Variants in ACMSD observed in about 807,000 individuals in gnomAD.
ACMSD encodes aminocarboxymuconate semialdehyde decarboxylase.
Under a neutral mutation model 45.9 loss-of-function variants are expected in ACMSD, and 37 were observed. That is an observed-to-expected ratio of 0.81 (90% CI 0.62 to 1.06). ACMSD has a LOEUF of 1.06. Ranked by LOEUF, ACMSD falls within the 50% of genes least tolerant of loss-of-function variation. ACMSD has a pLI of 0.00. For missense variants in ACMSD, 434 were observed against 420.9 expected, an observed-to-expected ratio of 1.03 and a Z score of -0.27; for synonymous variants, 138 against 148.8, an observed-to-expected ratio of 0.93 and a Z score of 0.53.
chr2:134,872,318 C>T, intron 7 of ACMSD, 151 bp from the exon 8 acceptor site: 1 of 814,158 alleles, frequency 1.2e-6, no homozygotes, highest in Non-Finnish European at 1.9e-6. Flanking sequence ...AATGCCATTT[C>T]TTCCATCATC....
At chr2:134,898,868 AT>A (rs1206278205) in intron 9 of ACMSD, among the ~76,000 whole-genome samples, 5 of 151,878 alleles carry the variant, frequency 3.3e-5, no homozygotes, top group Admixed American at 1.3e-4. Flanking sequence ...ACTAGACTTT[AT>A]TTTTTTTCCC....
intron 2 of ACMSD, among the ~76,000 whole-genome samples, chr2:134,852,773 C>A (rs1418634942): frequency 6.6e-6 from 1 of 152,138 alleles, no homozygotes; most frequent in Non-Finnish European, 1.5e-5. Flanking sequence ...TCGAGCCCAA[C>A]CAGCATGGCA....
intron 8 of ACMSD, among the ~76,000 whole-genome samples, chr2:134,892,794 G>A (rs1689873684): frequency 6.6e-6 from 1 of 152,162 alleles, no homozygotes; most frequent in African/African-American, 2.4e-5. Context: ...GCAAAAGCAA[G>A]AATGAGAGTG....
chr2:134,863,726 C>A, intron 5 of ACMSD, 95 bp downstream of exon 5: 2 of 1,282,884 alleles, frequency 1.6e-6, no homozygotes, highest in Admixed American at 1.9e-5. Flanking sequence ...AGCGTCACCC[C>A]ACTGGGAGGG....
chr2:134,896,341 G>A (rs1573731145), intron 8 of ACMSD, among the ~76,000 whole-genome samples: 1 of 152,076 alleles, frequency 6.6e-6, no homozygotes, highest in East Asian at 1.9e-4. Context: ...TGCTTCAAAA[G>A]ACAATACCAA....
chr2:134,872,437 A>G, intron 7 of ACMSD, 32 bp from the exon 8 acceptor site: 2 of 1,613,552 alleles, frequency 1.2e-6, no homozygotes, highest in Non-Finnish European at 1.7e-6. Flanking sequence ...TACAATCAAC[A>G]CTAGCCCCTC....
intron 6 of ACMSD, among the ~76,000 whole-genome samples, chr2:134,870,738 G>A (rs1266193902): frequency 2.0e-5 from 3 of 152,136 alleles, no homozygotes; most frequent in East Asian, 3.8e-4. Context: ...AAGTCCTCTG[G>A]CTCCTCAATC....
At chr2:134,900,065 T>C (rs537886679) in intron 9 of ACMSD, among the ~76,000 whole-genome samples, 47 of 152,154 alleles carry the variant, frequency 3.1e-4, no homozygotes, top group Middle Eastern at 3.4e-3. Context: ...TTTTGAACCA[T>C]GCGAAGGTAA....
At chr2:134,879,346 A>T (rs1688913483) in intron 8 of ACMSD, among the ~76,000 whole-genome samples, 2 of 152,174 alleles carry the variant, frequency 1.3e-5, no homozygotes, top group African/African-American at 2.4e-5. Context: ...GCTTCTAATA[A>T]GAGTCTTTAC....
At chr2:134,841,685 A>C (rs1051293548) in intron 1 of ACMSD, among the ~76,000 whole-genome samples, 2 of 152,218 alleles carry the variant, frequency 1.3e-5, no homozygotes, top group African/African-American at 4.8e-5. Flanking sequence ...AGCAACAATG[A>C]GGATGATACA....
intron 5 of ACMSD, among the ~76,000 whole-genome samples, chr2:134,863,948 G>A (rs541521053): frequency 6.6e-6 from 1 of 152,046 alleles, no homozygotes; most frequent in Admixed American, 6.6e-5. Context: ...CTGTGCAAAA[G>A]AATCGTGTTA....
Position 134,863,520 on chromosome 2 carries a change from G to T in ACMSD, c.375G>T (p.Ala125=). ...TGCCCATGCAGGCCCCTGAGCTGGC[G>T]GTCAAGGAGATGGAGCGCTGTGTGA... ...GTLPMQAPEL[A]VKEMERCVKE... The change falls in exon 5 of 10, where the codon GCG becomes GCT. Residue 125 remains alanine, a synonymous_variant. Coordinates refer to ENST00000356140, the MANE Select transcript of ACMSD (RefSeq NM_138326.3). 6.2e-7 allele frequency: 1 copy of T among 1,614,224 alleles called. No individual in the cohort carries two copies. The highest frequency in any genetic ancestry group is 1.1e-5 in the South Asian group (1 of 91,082).
intron 8 of ACMSD, among the ~76,000 whole-genome samples, chr2:134,896,872 C>T (rs1042428872): frequency 6.6e-6 from 1 of 152,078 alleles, no homozygotes; most frequent in African/African-American, 2.4e-5. Context: ...TTATGTGATT[C>T]CATTTATGTG....
chr2:134,877,247 G>T (rs1197544886), intron 8 of ACMSD, among the ~76,000 whole-genome samples: 3 of 151,864 alleles, frequency 2.0e-5, no homozygotes, highest in Non-Finnish European at 2.9e-5. Context: ...TAATTTTATG[G>T]GACCACCATC....
Position 134,838,686 on chromosome 2 carries a change from A to C in ACMSD, c.4A>C (p.Lys2Gln). The change falls in exon 1 of 10, where the codon AAA becomes CAA. Residue 2 changes from lysine (K) to glutamine (Q), a missense_variant. Coordinates refer to ENST00000356140, the MANE Select transcript of ACMSD (RefSeq NM_138326.3). Reference sequence around the variant, plus strand: ...ATGCTTCTCTGATCCTGTGGAGATGAAAATTGACATCCATAGTCATATTCT... The same window carrying C: ...ATGCTTCTCTGATCCTGTGGAGATGCAAATTGACATCCATAGTCATATTCT... M[K>Q]IDIHSHILPK... The C allele has an allele frequency of 6.2e-7, 1 of 1,607,354 alleles. No homozygotes were observed. The highest frequency in any genetic ancestry group is 8.5e-7 in the Non-Finnish European group (1 of 1,176,810).
At chr2:134,841,174 T>G (rs113609975) in intron 1 of ACMSD, among the ~76,000 whole-genome samples, 1 of 152,214 alleles carries the variant, frequency 6.6e-6, no homozygotes, top group African/African-American at 2.4e-5. Context: ...ATAATTTACA[T>G]AAACCTTGTG....
At chr2:134,864,820 T>A (rs1688021075) in intron 5 of ACMSD, among the ~76,000 whole-genome samples, 2 of 152,206 alleles carry the variant, frequency 1.3e-5, no homozygotes, top group African/African-American at 4.8e-5. Context: ...TTCTGAAATA[T>A]CCAACTTCAA....
intron 8 of ACMSD, among the ~76,000 whole-genome samples, chr2:134,897,994 TAAGA>T (rs1690268489): frequency 6.6e-6 from 1 of 151,454 alleles, no homozygotes. Context: ...TGTATCATTC[TAAGA>T]AAGACAGAAT....
At chr2:134,869,605 G>T (rs7580655) in intron 6 of ACMSD, among the ~76,000 whole-genome samples, 76,194 of 151,676 alleles carry the variant, frequency 0.5, 20,015 homozygotes, top group Middle Eastern at 0.82. Context: ...ATTCCTTCTA[G>T]CATGCCAGGC....
Sources: allele counts gnomAD v4.1 joint callset (sites outside exome capture counted in the v4.1 genomes callset), GRCh38; gene constraint gnomAD v4.1.1; transcripts MANE v1.5; gene names NCBI Gene and HGNC (gene_info 2026-07-23, HGNC 2026-07-21).